GTF2I: variants seen among roughly 807,000 people sequenced by gnomAD.
GTF2I encodes the protein general transcription factor IIi.
A neutral mutation model predicts 67.6 loss-of-function variants in GTF2I; 12 were observed. That is an observed-to-expected ratio of 0.18 (90% CI 0.11 to 0.29). The LOEUF (loss-of-function observed/expected upper bound fraction) is 0.29, where lower values mean the gene tolerates loss of function less well. Ranked by LOEUF, GTF2I falls within the 10% of genes least tolerant of loss-of-function variation. GTF2I has a pLI of 1.00. For synonymous variants in GTF2I, 149 were observed against 197.0 expected, an observed-to-expected ratio of 0.76 and a Z score of 2.04; for missense variants, 271 against 580.1, an observed-to-expected ratio of 0.47 and a Z score of 5.47.
At chr7:74,685,983 G>A (rs1554395421) in intron 1 of GTF2I, among the ~76,000 whole-genome samples, 2 of 152,202 alleles carry the variant, frequency 1.3e-5, no homozygotes, top group Non-Finnish European at 2.9e-5. Context: ...AACCCGGGAG[G>A]CGGAGCTTGC....
intron 9 of GTF2I, among the ~76,000 whole-genome samples, chr7:74,712,101 C>G (rs11766851): frequency 0.019 from 2,939 of 151,980 alleles, 39 homozygotes; most frequent in Non-Finnish European, 0.029. Flanking sequence ...AGGTGTGTGC[C>G]AACACACCTG....
At chr7:74,723,094 G>A (rs1487443600) in intron 12 of GTF2I, among the ~76,000 whole-genome samples, 3 of 150,932 alleles carry the variant, frequency 2.0e-5, no homozygotes, top group Admixed American at 1.3e-4. Flanking sequence ...CACAAATACT[G>A]AGCACATTGT....
chr7:74,683,413 A>G (rs1343322132), intron 1 of GTF2I, among the ~76,000 whole-genome samples: 1 of 152,226 alleles, frequency 6.6e-6, no homozygotes, highest in African/African-American at 2.4e-5. Flanking sequence ...CAGCGAAAAT[A>G]CCTTTCAAGA....
chr7:74,685,920 G>T (rs187181196), intron 1 of GTF2I, among the ~76,000 whole-genome samples: 1 of 152,230 alleles, frequency 6.6e-6, no homozygotes, highest in Admixed American at 6.5e-5. Flanking sequence ...GCGCGTGGTG[G>T]CGGGCGCCTG....
intron 1 of GTF2I, among the ~76,000 whole-genome samples, chr7:74,687,263 CGCCCAG>C (rs1787820026): frequency 1.3e-5 from 2 of 151,584 alleles, no homozygotes; most frequent in Admixed American, 1.3e-4. Context: ...CTCACTCTGT[CGCCCAG>C]GCTGGAGTGC....
intron 6 of GTF2I, among the ~76,000 whole-genome samples, chr7:74,704,801 G>C (rs1330293466): frequency 7.0e-6 from 1 of 141,854 alleles, no homozygotes; most frequent in Non-Finnish European, 1.5e-5. Context: ...GCTGCAGTGA[G>C]CTATGATCAT....
Position 74,700,640 on chromosome 7 carries a change from T to TA in GTF2I, c.586+8dup. 1 of 1,613,718 alleles carries TA rather than the reference T, an allele frequency of 6.2e-7. No homozygotes were observed. Among genetic ancestry groups the TA allele is most frequent in the Non-Finnish European group, 8.5e-7 (1 of 1,179,598 alleles). The stretch of plus-strand genomic sequence containing the variant: ...AGAGCCAAAGAAGCATGTAGGTAAG[T>TA]AAGTGCTTTGCTTCCTTGATAGCTG... On this transcript the variant is annotated splice_region_variant and intron_variant, in intron 6 of 34. Coordinates refer to ENST00000573035, the MANE Select transcript of GTF2I (RefSeq NM_032999.4).
chr7:74,680,372 A>G (rs1254574963), intron 1 of GTF2I, among the ~76,000 whole-genome samples: 2 of 151,434 alleles, frequency 1.3e-5, no homozygotes, highest in African/African-American at 4.9e-5. Flanking sequence ...AATATTAAGA[A>G]CCTCAGTTTT....
chr7:74,730,645 C>T (rs1325274985), intron 14 of GTF2I, among the ~76,000 whole-genome samples: 4 of 146,794 alleles, frequency 2.7e-5, no homozygotes, highest in Admixed American at 6.8e-5. Flanking sequence ...TTTTAACTGA[C>T]AGTTTCTGTT....
At chr7:74,668,173 C>CTTTTTTTTT (rs781864782) in intron 1 of GTF2I, among the ~76,000 whole-genome samples, 4 of 92,960 alleles carry the variant, frequency 4.3e-5, no homozygotes, top group East Asian at 3.4e-4. Context: ...TGGTGCAGAA[C>CTTTTTTTTT]TTTTTTTTTT....
At chr7:74,713,043 G>A (rs1250894120) in intron 9 of GTF2I, among the ~76,000 whole-genome samples, 1 of 152,160 alleles carries the variant, frequency 6.6e-6, no homozygotes, top group Non-Finnish European at 1.5e-5. Context: ...GCATTTGAGA[G>A]GTGGAGGTTA....
intron 26 of GTF2I, among the ~76,000 whole-genome samples, chr7:74,750,008 A>G (rs1795706271): frequency 7.5e-6 from 1 of 134,186 alleles, no homozygotes; most frequent in African/African-American, 2.6e-5. Flanking sequence ...CTACACAGCT[A>G]TGTTGTTACT....
chr7:74,676,000 A>C (rs1805871362), intron 1 of GTF2I, among the ~76,000 whole-genome samples: 1 of 152,026 alleles, frequency 6.6e-6, no homozygotes, highest in Non-Finnish European at 1.5e-5. Flanking sequence ...ACAGAGCAAG[A>C]CTCCATCTAA....
intron 12 of GTF2I, among the ~76,000 whole-genome samples, chr7:74,722,254 A>G (rs1372261407): frequency 6.6e-6 from 1 of 152,084 alleles, no homozygotes; most frequent in Non-Finnish European, 1.5e-5. Flanking sequence ...GTGGCGTTTT[A>G]TTTGTACTTG....
chr7:74,698,656 C>A (rs1403840038), intron 3 of GTF2I, among the ~76,000 whole-genome samples: 1 of 151,986 alleles, frequency 6.6e-6, no homozygotes, highest in Admixed American at 6.6e-5. Context: ...AAGCAATCCT[C>A]CTGCTTCAGC....
In GTF2I at chr7:74,706,396, C is replaced by A; in HGVS notation, c.648C>A (p.Gly216=). 6.2e-7 allele frequency: 1 copy of A among 1,613,252 alleles called. No homozygotes were observed. The highest frequency in any genetic ancestry group is 8.5e-7 in the Non-Finnish European group (1 of 1,179,280). Residue 216 remains glycine, a synonymous_variant, in exon 8 of 35, where the codon GGC becomes GGA. Coordinates refer to ENST00000573035, the MANE Select transcript of GTF2I (RefSeq NM_032999.4). The part of the protein sequence containing the change: ...RSILSPGGSC[G]PIKVKTEPTE... Reference sequence around the variant, plus strand: ...GGCTTTCTTCTCCTTGCAGTTGTGGCCCCATCAAAGTGAAAACTGAACCCA... The same window carrying A: ...GGCTTTCTTCTCCTTGCAGTTGTGGACCCATCAAAGTGAAAACTGAACCCA...
intron 9 of GTF2I, among the ~76,000 whole-genome samples, chr7:74,713,066 G>C (rs1479592399): frequency 1.3e-5 from 2 of 151,942 alleles, no homozygotes; most frequent in Non-Finnish European, 2.9e-5. Flanking sequence ...TATGTTTTAG[G>C]GTGAATAAAA....
At chr7:74,687,676 A>G (rs1787858777) in intron 1 of GTF2I, 1 of 419,688 alleles carries the variant, frequency 2.4e-6, no homozygotes, top group South Asian at 9.9e-5. Flanking sequence ...CTCTTTAATA[A>G]TAGGGAAAAG....
chr7:74,712,493 T>A (rs1337531670), intron 9 of GTF2I, among the ~76,000 whole-genome samples: 4 of 48,912 alleles, frequency 8.2e-5, no homozygotes, highest in Admixed American at 1.8e-4. Flanking sequence ...CGGGAGTGTG[T>A]GTGTGTGTGT....
Sources: gnomAD v4.1 joint callset for allele counts (sites outside exome capture counted in the v4.1 genomes callset) on GRCh38, gnomAD v4.1.1 for gene constraint, MANE v1.5 for transcripts, NCBI Gene and HGNC (gene_info 2026-07-23, HGNC 2026-07-21) for gene names.